The following KANK1 variants were observed in gnomAD, a reference collection of about 807,000 sequenced individuals.
KANK1 encodes KN motif and ankyrin repeat domain-containing protein 1.
Under a neutral mutation model 106.2 loss-of-function variants are expected in KANK1, and 109 were observed. The observed-to-expected ratio is 1.03, with a 90% confidence interval of 0.88 to 1.20. The LOEUF is 1.20. Among genes scored for constraint, KANK1 ranks in the 50% most tolerant of loss-of-function variants. The probability of loss-of-function intolerance (pLI) is 0.00; values close to 1 mark genes in which losing one functional copy is unlikely to be tolerated. For synonymous variants in KANK1, 873 were observed against 652.2 expected (o/e 1.34, Z -5.16); for missense variants, 2,399 against 1,710.7 (o/e 1.40, Z -7.10).
At chr9:487,750 T>C (rs1478749822) in intron 3 of KANK1, 1 of 152,220 alleles carries the variant, frequency 6.6e-6, no homozygotes, top group African/African-American at 2.4e-5. Context: ...TACTTAATGG[T>C]GGCACCTGGG....
At chr9:666,927 G>A (rs1322947830) in intron 1 of KANK1, among the ~76,000 whole-genome samples, 1 of 68,156 alleles carries the variant, frequency 1.5e-5, no homozygotes, top group Non-Finnish European at 2.7e-5. Context: ...TTTTTTTTTG[G>A]TGGCCTTATC....
chr9:591,924 G>C (rs958375770), intron 1 of KANK1, among the ~76,000 whole-genome samples: 3 of 151,708 alleles, frequency 2.0e-5, no homozygotes, highest in Admixed American at 2.0e-4. Context: ...CTCTGAAAAT[G>C]CTGGGATTAC....
intron 1 of KANK1, among the ~76,000 whole-genome samples, chr9:563,527 A>G (rs1817029157): frequency 6.6e-6 from 1 of 152,188 alleles, no homozygotes; most frequent in Admixed American, 6.5e-5. Context: ...TAAGCCTCAT[A>G]AGTACTTTGC....
intron 1 of KANK1, among the ~76,000 whole-genome samples, chr9:580,819 G>A (rs1347948379): frequency 2.6e-5 from 4 of 152,236 alleles, no homozygotes; most frequent in Non-Finnish European, 5.9e-5. Context: ...CGCGGAGCAG[G>A]GGGCGGTGCT....
At chr9:708,585 G>C (rs1183118861) in intron 2 of KANK1, among the ~76,000 whole-genome samples, 3 of 152,042 alleles carry the variant, frequency 2.0e-5, no homozygotes, top group Non-Finnish European at 4.4e-5. Flanking sequence ...TCTTATTTTT[G>C]TACTTTCTTT....
chr9:564,844 C>T (rs1359009494), intron 1 of KANK1, among the ~76,000 whole-genome samples: 2 of 152,222 alleles, frequency 1.3e-5, no homozygotes. Context: ...ATGTGAGTCT[C>T]ATTGACATAC....
intron 1 of KANK1, among the ~76,000 whole-genome samples, chr9:653,897 A>G (rs188124903): frequency 6.6e-5 from 10 of 152,318 alleles, no homozygotes; most frequent in African/African-American, 1.7e-4. Context: ...ATTATGTAAT[A>G]CTTTTTAAAG....
At chr9:525,603 A>T (rs2059755062) in intron 1 of KANK1, among the ~76,000 whole-genome samples, 1 of 151,278 alleles carries the variant, frequency 6.6e-6, no homozygotes, top group African/African-American at 2.5e-5. Context: ...CTGGTCTCGA[A>T]CTCGTGGCCT....
At chr9:735,263 G>T (rs186254795) in intron 7 of KANK1, among the ~76,000 whole-genome samples, 1 of 152,116 alleles carries the variant, frequency 6.6e-6, no homozygotes, top group South Asian at 2.1e-4. Context: ...ATTCCTTTCA[G>T]TTATGAAACT....
At chr9:515,699 T>G (rs1388054606) in intron 1 of KANK1, among the ~76,000 whole-genome samples, 1 of 151,826 alleles carries the variant, frequency 6.6e-6, no homozygotes, top group Non-Finnish European at 1.5e-5. Flanking sequence ...GGAATTAAAT[T>G]TCCACATAAA....
At chr9:609,442 A>G (rs2136101008) in intron 1 of KANK1, among the ~76,000 whole-genome samples, 1 of 152,276 alleles carries the variant, frequency 6.6e-6, no homozygotes, top group East Asian at 1.9e-4. Flanking sequence ...AGCCTGGCCA[A>G]CATGGTGAAA....
At position 745,483 on chromosome 9, in the gene KANK1, C is replaced by T. The variant is rs780143937; in HGVS notation, c.*248C>T. The T allele has an allele frequency of 2.4e-6, 1 of 414,534 alleles. No individual in the cohort carries two copies. Among genetic ancestry groups the T allele is most frequent in the Non-Finnish European group, 4.4e-6 (1 of 229,194 alleles). The allele number at this position is 414,534 out of a possible 1,614,324, so 25.7% of individuals were successfully genotyped here. ...AGTCTCTGTTGCTGTTGAGTCTCTG[C>T]TCCGTTTTGTACAGTCACAGGGAAT... On this transcript the variant is annotated 3_prime_UTR_variant, in exon 12 of 12. Coordinates refer to ENST00000382297, the MANE Select transcript of KANK1 (RefSeq NM_015158.5).
intron 2 of KANK1, chr9:707,278 C>T (rs1824576063): frequency 4.1e-6 from 4 of 971,664 alleles, no homozygotes; most frequent in Non-Finnish European, 4.9e-6. Context: ...GTGGGGCGGC[C>T]ACCGCTGGCC....
chr9:485,771 T>G (rs2132231162), intron 3 of KANK1, among the ~76,000 whole-genome samples: 1 of 150,676 alleles, frequency 6.6e-6, no homozygotes, highest in East Asian at 1.9e-4. Flanking sequence ...CTCGGGAGGC[T>G]GAGGCAGGAG....
intron 1 of KANK1, among the ~76,000 whole-genome samples, chr9:593,038 C>G (rs895399362): frequency 1.3e-5 from 2 of 151,796 alleles, no homozygotes; most frequent in Non-Finnish European, 2.9e-5. Flanking sequence ...GGGAGTTGTA[C>G]TATTTGTTCA....
intron 1 of KANK1, among the ~76,000 whole-genome samples, chr9:610,881 C>T (rs1830397294): frequency 6.6e-6 from 1 of 152,016 alleles, no homozygotes; most frequent in Admixed American, 6.6e-5. Flanking sequence ...GGGAAAGAGG[C>T]CAGTACGCAA....
chr9:480,345 A>C (rs1250967634), intron 3 of KANK1, among the ~76,000 whole-genome samples: 1 of 152,252 alleles, frequency 6.6e-6, no homozygotes, highest in Non-Finnish European at 1.5e-5. Context: ...ATGTGAGTAC[A>C]AAAGGCTAGG....
At chr9:723,371 A>G (rs1829854255) in intron 3 of KANK1, among the ~76,000 whole-genome samples, 1 of 152,184 alleles carries the variant, frequency 6.6e-6, no homozygotes, top group African/African-American at 2.4e-5. Context: ...AAGGCTTACC[A>G]GGTTGTTAGA....
chr9:599,025 T>A (rs1185017908), intron 1 of KANK1, among the ~76,000 whole-genome samples: 2 of 149,650 alleles, frequency 1.3e-5, no homozygotes, highest in Admixed American at 1.3e-4. Context: ...TTATTATTTT[T>A]TTTTTTTTTT....
Sources: allele counts gnomAD v4.1 joint callset (sites outside exome capture counted in the v4.1 genomes callset), GRCh38; gene constraint gnomAD v4.1.1; transcripts MANE v1.5; gene names NCBI Gene and HGNC (gene_info 2026-07-23, HGNC 2026-07-21).